FOXP2: variants seen among roughly 807,000 people sequenced by gnomAD.
FOXP2 encodes forkhead box protein P2.
A neutral mutation model predicts 115.8 loss-of-function variants in FOXP2; 12 were observed. The observed-to-expected ratio is 0.10, with a 90% CI of 0.07 to 0.17. FOXP2 has a LOEUF of 0.17. Ranked by LOEUF, FOXP2 falls within the 10% of genes least tolerant of loss-of-function variation. The pLI is 1.00. For missense variants in FOXP2, 629 were observed against 843.5 expected, an observed-to-expected ratio of 0.75 and a Z score of 3.15; for synonymous variants, 328 against 297.7, an observed-to-expected ratio of 1.10 and a Z score of -1.05.
At chr7:114,672,321 A>C (rs531852962) in intron 16 of FOXP2, among the ~76,000 whole-genome samples, 17 of 152,368 alleles carry the variant, frequency 1.1e-4, no homozygotes, top group African/African-American at 3.6e-4. Context: ...GCAATGGCTC[A>C]TGCCTGTAAT....
intron 2 of FOXP2, among the ~76,000 whole-genome samples, chr7:114,481,717 T>C (rs1213531017): frequency 6.6e-6 from 1 of 151,292 alleles, no homozygotes; most frequent in Non-Finnish European, 1.5e-5. Flanking sequence ...CTGGCTCAAG[T>C]AAATGTTACT....
chr7:114,436,594 C>T (rs901539291), intron 2 of FOXP2, among the ~76,000 whole-genome samples: 2 of 151,030 alleles, frequency 1.3e-5, no homozygotes, highest in East Asian at 2.0e-4. Flanking sequence ...AATAAAATAC[C>T]GAGCAAAAAC....
At chr7:114,149,623 C>T (rs1002726626) in intron 1 of FOXP2, among the ~76,000 whole-genome samples, 5 of 151,690 alleles carry the variant, frequency 3.3e-5, no homozygotes, top group African/African-American at 1.2e-4. Context: ...ATCTAGCAAA[C>T]TGTGTTCATT....
At chr7:114,572,717 C>G (rs1296477801) in intron 3 of FOXP2, among the ~76,000 whole-genome samples, 1 of 151,726 alleles carries the variant, frequency 6.6e-6, no homozygotes, top group Non-Finnish European at 1.5e-5. Flanking sequence ...AGTGTTTGCT[C>G]TTTATCTAAA....
chr7:114,350,754 C>T (rs1791466109), intron 2 of FOXP2, among the ~76,000 whole-genome samples: 1 of 152,070 alleles, frequency 6.6e-6, no homozygotes, highest in Non-Finnish European at 1.5e-5. Context: ...GGTTATTCTG[C>T]TACAATTTAT....
At chr7:114,271,981 AT>A (rs1317140254) in intron 1 of FOXP2, among the ~76,000 whole-genome samples, 122 of 134,322 alleles carry the variant, frequency 9.1e-4, no homozygotes, top group African/African-American at 2.6e-3. Context: ...TAATATAATT[AT>A]ATATAATATA....
rs116515436 is a variant in FOXP2 at position 114,261,299 on chromosome 7, A to G, written c.-101-26720A>G. Among the ~76,000 whole-genome samples the G allele has an allele frequency of 4.6e-3, 706 of 152,312 alleles. 10 individuals carry two copies. The highest frequency in any genetic ancestry group is 0.016 in the African/African-American group (665 of 41,576). On this transcript the variant is annotated intron_variant, in intron 1 of 17. Transcript: ENST00000634411. ...CTAATAAAGTTGTAGCAAAGTCGCT[A>G]TGCTAACTTTACTTTTTGCACTTTC...
chr7:114,242,685 C>A (rs754626148), intron 1 of FOXP2, among the ~76,000 whole-genome samples: 1 of 152,102 alleles, frequency 6.6e-6, no homozygotes, highest in African/African-American at 2.4e-5. Context: ...CTCACTAGAA[C>A]GTTTCTCTCT....
At chr7:114,315,515 CTAGA>C (rs1797254887) in intron 2 of FOXP2, among the ~76,000 whole-genome samples, 1 of 151,906 alleles carries the variant, frequency 6.6e-6, no homozygotes, top group Admixed American at 6.6e-5. Flanking sequence ...ATATTTTGGG[CTAGA>C]TAGAGTGTTC....
At position 114,631,531 on chromosome 7, in the gene FOXP2, C is replaced by CAGA. The variant is rs1361383692; in HGVS notation, c.603_604insAAG (p.Gln201_Gln202insLys). ...GGTTTGGGTTTTCTGATACCAGCAG[C>CAGA]AGCAGCAGCAGCAGCAGCAACAGCA... On this transcript the variant is annotated inframe_insertion, in exon 6 of 17. Coordinates refer to ENST00000350908, the MANE Select transcript of FOXP2 (RefSeq NM_014491.4). 6.4e-7 allele frequency: 1 copy of CAGA among 1,566,914 alleles called. No individual in the cohort carries two copies. The highest frequency in any genetic ancestry group is 8.7e-7 in the Non-Finnish European group (1 of 1,155,344).
At chr7:114,193,025 C>G (rs778034625) in intron 1 of FOXP2, among the ~76,000 whole-genome samples, 8 of 152,044 alleles carry the variant, frequency 5.3e-5, no homozygotes, top group Non-Finnish European at 7.4e-5. Flanking sequence ...ATGCCTTAGA[C>G]CAGTGGTCCT....
chr7:114,395,955 C>G (rs565163542), intron 2 of FOXP2, among the ~76,000 whole-genome samples: 41 of 152,056 alleles, frequency 2.7e-4, no homozygotes, highest in African/African-American at 9.6e-4. Flanking sequence ...AGTAGGTAAT[C>G]ACATTAGGAT....
At chr7:114,515,968 A>G in intron 2 of FOXP2, among the ~76,000 whole-genome samples, 1 of 152,228 alleles carries the variant, frequency 6.6e-6, no homozygotes, top group Non-Finnish European at 1.5e-5. Context: ...CAATATCATG[A>G]AAATGGCTAT....
chr7:114,597,791 G>A (rs1802806102), intron 3 of FOXP2, among the ~76,000 whole-genome samples: 1 of 152,134 alleles, frequency 6.6e-6, no homozygotes. Flanking sequence ...GACAAAACTT[G>A]TAGAGCTATT....
intron 2 of FOXP2, among the ~76,000 whole-genome samples, chr7:114,446,646 A>C (rs1323130817): frequency 1.3e-5 from 2 of 152,128 alleles, no homozygotes; most frequent in East Asian, 3.8e-4. Context: ...TATGCCAGTA[A>C]ACCCATCAAT....
At chr7:114,412,269 G>A (rs1793183387), upstream of FOXP2, among the ~76,000 whole-genome samples, 1 of 152,054 alleles carries the variant, frequency 6.6e-6, no homozygotes. Context: ...GTTATAAAAT[G>A]AAAGGAGTTT....
intron 3 of FOXP2, among the ~76,000 whole-genome samples, chr7:114,627,284 C>CT (rs1470089925): frequency 6.6e-6 from 1 of 151,580 alleles, no homozygotes; most frequent in East Asian, 1.9e-4. Flanking sequence ...ATCTTTTAAT[C>CT]TTTTTTGGTT....
chr7:114,592,574 T>C (rs1025700880), intron 3 of FOXP2, among the ~76,000 whole-genome samples: 2 of 152,058 alleles, frequency 1.3e-5, no homozygotes. Context: ...TCTGTAAATA[T>C]TGCCCCCCTT....
chr7:114,309,891 C>G (rs949664151), intron 2 of FOXP2, among the ~76,000 whole-genome samples: 1 of 150,832 alleles, frequency 6.6e-6, no homozygotes, highest in Non-Finnish European at 1.5e-5. Context: ...TCTTGAACTC[C>G]TGGCCTCAAA....
Sources: allele counts gnomAD v4.1 joint callset (sites outside exome capture counted in the v4.1 genomes callset), GRCh38; gene constraint gnomAD v4.1.1; transcripts MANE v1.5; gene names NCBI Gene and HGNC (gene_info 2026-07-23, HGNC 2026-07-21).